Variants in AFG1L observed in about 807,000 individuals in gnomAD.
The protein encoded by AFG1L is AFG1-like ATPase.
A neutral mutation model predicts 62.2 loss-of-function variants in AFG1L; 53 were observed. That is an observed-to-expected ratio of 0.85 (90% CI 0.68 to 1.07). The LOEUF is 1.07. Ranked by LOEUF, AFG1L falls within the 50% of genes least tolerant of loss-of-function variation. The pLI, the probability that AFG1L is intolerant of heterozygous loss-of-function variation, is 0.00. For synonymous variants in AFG1L, 228 were observed against 210.3 expected (o/e 1.08, Z -0.73); for missense variants, 555 against 590.5 (o/e 0.94, Z 0.62).
At chr6:108,453,146 C>T (rs75061207) in intron 8 of AFG1L, among the ~76,000 whole-genome samples, 3,583 of 152,278 alleles carry the variant, frequency 0.024, 136 homozygotes, top group African/African-American at 0.082. Flanking sequence ...TTCAACAAAA[C>T]TACATCTGAA....
At chr6:108,335,236 G>T (rs1778433602) in intron 2 of AFG1L, among the ~76,000 whole-genome samples, 1 of 151,560 alleles carries the variant, frequency 6.6e-6, no homozygotes, top group African/African-American at 2.4e-5. Context: ...CTCTGAAAAC[G>T]TTGGGATTAC....
chr6:108,381,612 A>G (rs539854902), intron 6 of AFG1L, among the ~76,000 whole-genome samples: 1 of 152,340 alleles, frequency 6.6e-6, no homozygotes, highest in Admixed American at 6.5e-5. Flanking sequence ...AGTCATCAGA[A>G]TAGCTAGAAA....
chr6:108,495,401 A>G (rs947973951), intron 10 of AFG1L, among the ~76,000 whole-genome samples: 4 of 152,200 alleles, frequency 2.6e-5, no homozygotes, highest in African/African-American at 7.2e-5. Context: ...TAATCGTCCT[A>G]CTTCAGCTGA....
At chr6:108,344,571 G>A (rs1235622595) in intron 2 of AFG1L, among the ~76,000 whole-genome samples, 1 of 152,164 alleles carries the variant, frequency 6.6e-6, no homozygotes, top group Non-Finnish European at 1.5e-5. Context: ...GGATGACAGA[G>A]TGAGACCCTG....
chr6:108,497,722 T>C (rs1451104291), intron 10 of AFG1L, among the ~76,000 whole-genome samples: 1 of 152,204 alleles, frequency 6.6e-6, no homozygotes, highest in Non-Finnish European at 1.5e-5. Context: ...TATATGTGTT[T>C]AAATATACTT....
At chr6:108,334,588 C>T (rs1443621044) in intron 2 of AFG1L, among the ~76,000 whole-genome samples, 1 of 20,048 alleles carries the variant, frequency 5.0e-5, no homozygotes, top group African/African-American at 1.2e-4. Flanking sequence ...GAATTATTAG[C>T]ACAGTCCTCC....
intron 11 of AFG1L, among the ~76,000 whole-genome samples, chr6:108,514,401 T>G (rs1181949098): frequency 6.6e-6 from 1 of 152,102 alleles, no homozygotes. Context: ...CAAACTAAGC[T>G]TCATAAGTGA....
At chr6:108,297,025 AT>A (rs1582545091) in intron 1 of AFG1L, among the ~76,000 whole-genome samples, 1 of 152,168 alleles carries the variant, frequency 6.6e-6, no homozygotes, top group African/African-American at 2.4e-5. Flanking sequence ...GGGTGTGAAG[AT>A]TTGATGAAAA....
intron 8 of AFG1L, among the ~76,000 whole-genome samples, chr6:108,464,462 C>G (rs942467125): frequency 6.6e-6 from 1 of 152,140 alleles, no homozygotes; most frequent in African/African-American, 2.4e-5. Context: ...TCATGATTCT[C>G]ATACTCGCAA....
Position 108,334,295 on chromosome 6 carries a change from G to A in AFG1L, c.363+10247G>A, listed in dbSNP as rs1313797094. 2.0e-5 allele frequency among the ~76,000 whole-genome samples: 3 copies of A among 152,106 alleles called. No homozygotes were observed. The East Asian group carries it at 5.8e-4, about 29-fold the overall frequency. On this transcript the variant is annotated intron_variant, in intron 2 of 12. Transcript: ENST00000368977. Reference sequence around the variant, plus strand: ...GCTGGGATTACAGGTGTGAGCCACTGTGCCTGGCAGGGTTAATTGATTTTT... The same window carrying A: ...GCTGGGATTACAGGTGTGAGCCACTATGCCTGGCAGGGTTAATTGATTTTT...
At chr6:108,295,269 A>G in intron 1 of AFG1L, 51 bp downstream of exon 1, 2 of 1,545,030 alleles carry the variant, frequency 1.3e-6, no homozygotes, top group Middle Eastern at 1.7e-4. Flanking sequence ...TGACTGGAGA[A>G]GCCTCTGGGA....
At chr6:108,339,819 T>A (rs1778613185) in intron 2 of AFG1L, among the ~76,000 whole-genome samples, 1 of 152,188 alleles carries the variant, frequency 6.6e-6, no homozygotes, top group African/African-American at 2.4e-5. Flanking sequence ...ACATGAGATG[T>A]TTTGATACAG....
chr6:108,379,971 C>T (rs1780426190), intron 6 of AFG1L, among the ~76,000 whole-genome samples: 1 of 151,742 alleles, frequency 6.6e-6, no homozygotes, highest in African/African-American at 2.4e-5. Flanking sequence ...AGCTGCCGAT[C>T]CAGGTGAGTG....
At chr6:108,344,438 A>G (rs1023676998) in intron 2 of AFG1L, among the ~76,000 whole-genome samples, 1 of 151,296 alleles carries the variant, frequency 6.6e-6, no homozygotes, top group Non-Finnish European at 1.5e-5. Context: ...TTTCATAAAA[A>G]ATTAGCTGGA....
intron 7 of AFG1L, among the ~76,000 whole-genome samples, chr6:108,431,124 G>A (rs35389702): frequency 0.35 from 53,385 of 151,368 alleles, 9,830 homozygotes; most frequent in Non-Finnish European, 0.42. Flanking sequence ...TTTTTTGGAG[G>A]CGAAGTCTTG....
chr6:108,397,082 G>A (rs1026536909), intron 6 of AFG1L, among the ~76,000 whole-genome samples: 1 of 152,012 alleles, frequency 6.6e-6, no homozygotes, highest in Non-Finnish European at 1.5e-5. Flanking sequence ...AGGCTGGAGG[G>A]CAGTGGCGTG....
intron 6 of AFG1L, among the ~76,000 whole-genome samples, chr6:108,369,582 A>G (rs1779904401): frequency 6.6e-6 from 1 of 151,922 alleles, no homozygotes; most frequent in Admixed American, 6.6e-5. Context: ...TTTTCCAGCC[A>G]TCAAAATGCG....
Position 108,356,611 on chromosome 6 carries a change from T to C in AFG1L, c.518-79T>C, listed in dbSNP as rs1779297937. On this transcript the variant is annotated intron_variant, in intron 4 of 12. Coordinates refer to ENST00000368977, the MANE Select transcript of AFG1L (RefSeq NM_145315.5). ...TTTTATGTCCATACTAAAGTTTCAT[T>C]TAGAGATTTTAAAAATATGTTATAA... The C allele has an allele frequency of 2.2e-5, 22 of 1,010,692 alleles. No homozygotes were observed. The South Asian group carries it at 5.0e-4, about 23-fold the overall frequency. The allele number at this position is 1,010,692 out of a possible 1,614,324, so 62.6% of individuals were successfully genotyped here. A position where few individuals can be genotyped will look rare whatever the true frequency, so the allele number is the denominator to read the frequency against.
chr6:108,456,619 C>T (rs1363545996), intron 8 of AFG1L, among the ~76,000 whole-genome samples: 1 of 151,962 alleles, frequency 6.6e-6, no homozygotes, highest in Non-Finnish European at 1.5e-5. Context: ...CAGAAAGAAA[C>T]CCATAACCGT....
Sources: gnomAD v4.1 joint callset for allele counts (sites outside exome capture counted in the v4.1 genomes callset) on GRCh38, gnomAD v4.1.1 for gene constraint, MANE v1.5 for transcripts, NCBI Gene and HGNC (gene_info 2026-07-23, HGNC 2026-07-21) for gene names.